The following GDPD5 variants were observed in gnomAD, a reference collection of about 807,000 sequenced individuals.
GDPD5 encodes the protein glycerophosphodiester phosphodiesterase domain containing 5, also known as glycerophosphodiester phosphodiesterase 2.
In GDPD5, 48 loss-of-function variants were observed where a neutral mutation model predicts 75.1. That is an observed-to-expected ratio of 0.64 (90% CI 0.51 to 0.81). The LOEUF is 0.81. GDPD5 is among the 40% of genes least tolerant of loss of function. The probability of loss-of-function intolerance (pLI) is 0.00; values close to 1 mark genes in which losing one functional copy is unlikely to be tolerated. For missense variants in GDPD5, 706 were observed against 822.6 expected (o/e 0.86, Z 1.73); for synonymous variants, 336 against 339.0 (o/e 0.99, Z 0.10).
At chr11:75,492,498 G>T in intron 1 of GDPD5, 1 of 152,290 alleles carries the variant, frequency 6.6e-6, no homozygotes, top group East Asian at 1.9e-4. Flanking sequence ...TGAAGGAAGG[G>T]AAGCTGATTG....
intron 15 of GDPD5, 93 bp downstream of exon 15, chr11:75,439,786 C>T (rs892428420): frequency 4.9e-5 from 51 of 1,035,936 alleles, no homozygotes; most frequent in Non-Finnish European, 5.7e-5. Flanking sequence ...CTGGCTGAGG[C>T]CCAGGGCTCA....
At chr11:75,451,403 A>C (rs1949148877) in intron 6 of GDPD5, 1 of 152,276 alleles carries the variant, frequency 6.6e-6, no homozygotes, top group Non-Finnish European at 1.5e-5. Flanking sequence ...CTCATCTCAC[A>C]CACGGGAAGC....
intron 2 of GDPD5, among the ~76,000 whole-genome samples, chr11:75,486,991 A>G (rs917359875): frequency 6.6e-5 from 10 of 152,190 alleles, no homozygotes; most frequent in Admixed American, 6.5e-4. Flanking sequence ...CGTTTCCCAA[A>G]ACAAAACAAC....
intron 4 of GDPD5, among the ~76,000 whole-genome samples, chr11:75,461,393 G>A (rs78875192): frequency 0.03 from 4,495 of 152,252 alleles, 98 homozygotes; most frequent in Middle Eastern, 0.051. Context: ...CTTGGCTGCC[G>A]CAGGGCAGGG....
chr11:75,478,694 C>T (rs965292620), intron 2 of GDPD5, among the ~76,000 whole-genome samples: 1 of 152,230 alleles, frequency 6.6e-6, no homozygotes, highest in African/African-American at 2.4e-5. Context: ...ACATAGCAGA[C>T]TTTCAAAATA....
At position 75,442,990 on chromosome 11, in the gene GDPD5, AG is replaced by A; in HGVS notation, c.948+145del. ...AGTCTGGCAGCAGTGGCAGGAGCCT[AG>A]GAGGCCACTAAGCAGCTTGGGTGGA... On this transcript the variant is annotated intron_variant, in intron 11 of 16. Transcript: ENST00000336898. 3 of 864,206 alleles carry A rather than the reference AG, an allele frequency of 3.5e-6. No homozygotes were observed. The Admixed American group carries it at 6.1e-5, about 18-fold the overall frequency. The allele number at this position is 864,206 out of a possible 1,614,324, so 53.5% of individuals were successfully genotyped here. A position where few individuals can be genotyped will look rare whatever the true frequency, so the allele number is the denominator to read the frequency against.
chr11:75,439,824 G>A (rs2086604022), intron 15 of GDPD5, 55 bp downstream of exon 15: 2 of 1,421,778 alleles, frequency 1.4e-6, no homozygotes, highest in African/African-American at 1.4e-5. Flanking sequence ...CTGGGGTGGG[G>A]GCTGGGCCTG....
chr11:75,510,700 CA>C (rs1000933960), intron 1 of GDPD5, among the ~76,000 whole-genome samples: 5 of 151,552 alleles, frequency 3.3e-5, no homozygotes, highest in Non-Finnish European at 7.4e-5. Flanking sequence ...AAGTGCCCCC[CA>C]ACCCCAAGCT....
intron 1 of GDPD5, among the ~76,000 whole-genome samples, chr11:75,497,234 G>A (rs1022780504): frequency 3.3e-5 from 5 of 152,090 alleles, no homozygotes; most frequent in African/African-American, 7.2e-5. Flanking sequence ...GCAGACAGAC[G>A]CAGCCCCTGC....
intron 2 of GDPD5, among the ~76,000 whole-genome samples, chr11:75,480,083 A>C (rs892128942): frequency 2.0e-5 from 3 of 152,236 alleles, no homozygotes; most frequent in Middle Eastern, 3.4e-3. Context: ...ATTGCTGGTC[A>C]CAGCACTTTG....
chr11:75,463,645 G>C (rs1949461380), intron 3 of GDPD5, among the ~76,000 whole-genome samples: 1 of 152,190 alleles, frequency 6.6e-6, no homozygotes, highest in Admixed American at 6.5e-5. Flanking sequence ...GCCCTTGAGG[G>C]GAGGTCAGTG....
Position 75,443,195 on chromosome 11 carries a change from C to T in GDPD5, c.889G>A (p.Ala297Thr), listed in dbSNP as rs1184575149. The change falls in exon 11 of 17, where the codon GCC becomes ACC. Residue 297 changes from alanine to threonine, a missense_variant. Ala to Thr is a moderately conservative substitution (Grantham distance 58). Transcript: ENST00000336898. ...EEFPELARRPASMLNWTTLQR... is the reference protein window; with the variant it reads ...EEFPELARRPTSMLNWTTLQR... ...AGGGTGGTCCAGTTAAGCATGGAGG[C>T]AGGCCTGCGGGCCAGCTCCGGGAAC... The T allele has an allele frequency of 2.5e-6, 4 of 1,604,562 alleles. No individual in the cohort carries two copies. The East Asian group carries it at 6.7e-5, about 27-fold the overall frequency.
At chr11:75,497,940 A>T (rs1427183872) in intron 1 of GDPD5, among the ~76,000 whole-genome samples, 1 of 152,236 alleles carries the variant, frequency 6.6e-6, no homozygotes, top group Non-Finnish European at 1.5e-5. Context: ...ACACCATGTT[A>T]CAATCTCCTG....
chr11:75,457,595 C>A (rs991657234), intron 5 of GDPD5, 98 bp downstream of exon 5: 26 of 869,768 alleles, frequency 3.0e-5, no homozygotes, highest in Non-Finnish European at 4.8e-5. Context: ...CAGCTTTCCC[C>A]TTTATACCAG....
At chr11:75,485,981 C>T (rs186027199) in intron 2 of GDPD5, among the ~76,000 whole-genome samples, 37 of 152,276 alleles carry the variant, frequency 2.4e-4, no homozygotes, top group Admixed American at 7.2e-4. Context: ...GGGCCTCAAC[C>T]CCAGCCCAGC....
chr11:75,500,362 C>T (rs1950284480), intron 1 of GDPD5, among the ~76,000 whole-genome samples: 1 of 152,202 alleles, frequency 6.6e-6, no homozygotes. Context: ...ACTGCAAAAC[C>T]CATTACCCTC....
chr11:75,491,723 A>C (rs1950113476), intron 1 of GDPD5, among the ~76,000 whole-genome samples: 1 of 152,220 alleles, frequency 6.6e-6, no homozygotes. Context: ...ACTACTACTA[A>C]TAAAACCTAC....
At position 75,442,469 on chromosome 11, in the gene GDPD5, G is replaced by C; in HGVS notation, c.1061C>G (p.Thr354Arg). The C allele has an allele frequency of 6.2e-7, 1 of 1,613,946 alleles. No individual in the cohort carries two copies. The highest frequency in any genetic ancestry group is 8.5e-7 in the Non-Finnish European group (1 of 1,179,926). The change falls in exon 12 of 17, where the codon ACA becomes AGA. Residue 354 changes from threonine to arginine, a missense_variant. By Grantham distance (71) the Thr-to-Arg change is moderately conservative. Transcript: ENST00000336898. ...ELLELAKGNA[T>R]LLLNLRDPPR... ...CGGGTCACGCAGGTTGAGCAGCAGT[G>C]TGGCATTGCCCTTGGCCAGCTCCAG...
At chr11:75,498,845 A>ATCTCATATC in intron 1 of GDPD5, among the ~76,000 whole-genome samples, 1 of 7,510 alleles carries the variant, frequency 1.3e-4, no homozygotes, top group African/African-American at 1.8e-4. Context: ...ACCTTACATG[A>ATCTCATATC]GTCTGTTGAC....
Sources: gnomAD v4.1 joint callset for allele counts (sites outside exome capture counted in the v4.1 genomes callset) on GRCh38, gnomAD v4.1.1 for gene constraint, MANE v1.5 for transcripts, NCBI Gene and HGNC (gene_info 2026-07-23, HGNC 2026-07-21) for gene names.